The following BRCA1 variants were observed in gnomAD, a reference collection of about 807,000 sequenced individuals.
The protein encoded by BRCA1 is BRCA1 DNA repair associated.
In BRCA1, 140 loss-of-function variants were observed where a neutral mutation model predicts 173.7. The ratio of observed to expected loss-of-function variants is 0.81; its 90% CI spans 0.70 to 0.93. The LOEUF is 0.93. Ranked by LOEUF, BRCA1 falls within the 40% of genes least tolerant of loss-of-function variation. BRCA1 has a pLI of 0.00. For missense variants in BRCA1, 1,983 were observed against 2,172.5 expected (o/e 0.91, Z 1.73); for synonymous variants, 662 against 756.0 (o/e 0.88, Z 2.04).
At chr17:43,167,267 T>C (rs906527215) in intron 1 of BRCA1, 12 of 152,128 alleles carry the variant, frequency 7.9e-5, no homozygotes, top group African/African-American at 2.2e-4. Context: ...ACAAAACTTA[T>C]CAGACACCGA....
upstream of BRCA1, chr17:43,125,879 CTT>C: frequency 6.5e-6 from 1 of 153,974 alleles, no homozygotes; most frequent in East Asian, 1.9e-4. Flanking sequence ...AAACTGTAGT[CTT>C]ATGGAGAGGA....
rs80356918 is a variant in BRCA1, at chr17:43,092,043, G to A, written c.3488C>T (p.Thr1163Ile). The part of the protein sequence containing the change: ...LLDDGEIKED[T>I]SFAENDIKES... ...CTTAATGTCATTTTCAGCAAAACTA[G>A]TATCTTCCTTTATTTCACCATCATC... The change falls in exon 10 of 23, where the codon ACT becomes ATT. Residue 1163 changes from threonine to isoleucine, a missense_variant. By Grantham distance (89) the Thr-to-Ile change is moderately conservative. Transcript: ENST00000357654. 1 of 1,614,014 alleles carries A rather than the reference G, an allele frequency of 6.2e-7. No individual in the cohort carries two copies. The highest frequency in any genetic ancestry group is 2.2e-5 in the East Asian group (1 of 44,888).
Position 43,089,486 on chromosome 17 carries a change from T to C in BRCA1, c.4185+1458A>G, listed in dbSNP as rs8176160. On this transcript the variant is annotated intron_variant, in intron 11 of 22. Transcript: ENST00000357654. ...ATATATATGGTAAAGCTTTTATTTATTTCATAGGTGACCAAATTATTGGCC... is the reference window on the plus strand; with the variant it reads ...ATATATATGGTAAAGCTTTTATTTACTTCATAGGTGACCAAATTATTGGCC... Among the ~76,000 whole-genome samples, 47,915 of 151,720 alleles carry C rather than the reference T, an allele frequency of 0.32. 7,903 individuals carry two copies. The highest frequency in any genetic ancestry group is 0.49 in the South Asian group (2,367 of 4,808).
At chr17:43,136,639 C>T (rs995375794) in intron 1 of BRCA1, among the ~76,000 whole-genome samples, 1 of 152,216 alleles carries the variant, frequency 6.6e-6, no homozygotes, top group African/African-American at 2.4e-5. Flanking sequence ...TGAGCAGACA[C>T]TTCTCAAAAG....
intron 12 of BRCA1, among the ~76,000 whole-genome samples, chr17:43,077,545 G>T (rs2052793116): frequency 6.6e-6 from 1 of 151,922 alleles, no homozygotes; most frequent in Non-Finnish European, 1.5e-5. Context: ...TGTTGATCAG[G>T]CTAGTCTCGA....
intron 19 of BRCA1, 81 bp from the exon 20 acceptor site, chr17:43,051,198 C>T: frequency 1.5e-6 from 2 of 1,323,824 alleles, no homozygotes; most frequent in Non-Finnish European, 2.2e-6. Context: ...GGCTTTTATT[C>T]AAAAAACAGA....
intron 8 of BRCA1, among the ~76,000 whole-genome samples, chr17:43,096,696 G>A (rs1239305072): frequency 6.6e-6 from 1 of 151,960 alleles, no homozygotes; most frequent in Non-Finnish European, 1.5e-5. Context: ...GTGGAAATAA[G>A]GAACAGAGGA....
chr17:43,160,376 G>C (rs796874132), intron 1 of BRCA1: 30 of 152,180 alleles, frequency 2.0e-4, no homozygotes, highest in African/African-American at 7.2e-4. Context: ...AGCAATTCCT[G>C]TCCCTTTTAA....
intron 2 of BRCA1, among the ~76,000 whole-genome samples, chr17:43,120,415 T>A (rs2055491958): frequency 6.6e-6 from 1 of 152,134 alleles, no homozygotes; most frequent in Non-Finnish European, 1.5e-5. Flanking sequence ...TAAAAGGAAG[T>A]GAAATATGAT....
chr17:43,074,439 G>C lies in BRCA1; in HGVS notation c.4567C>G (p.Pro1523Ala), dbSNP rs1390166929. Residue 1523 changes from proline to alanine, a missense_variant, in exon 14 of 23, where the codon CCA (proline) becomes GCA (alanine). Physicochemically the swap from Pro to Ala is conservative, Grantham distance 27. Coordinates refer to ENST00000357654, the MANE Select transcript of BRCA1 (RefSeq NM_007294.4). Reference sequence around the variant, plus strand: ...ACCTTAATGAGCTCCTCTTGAGATGGGTAGTTTCTATTCTGAAGACTCCCA... The same window carrying C: ...ACCTTAATGAGCTCCTCTTGAGATGCGTAGTTTCTATTCTGAAGACTCCCA... ...CSGSLQNRNY[P>A]SQEELIKVVD... 1 of 1,614,098 alleles carries C rather than the reference G, an allele frequency of 6.2e-7. No individual in the cohort carries two copies. The highest frequency in any genetic ancestry group is 8.5e-7 in the Non-Finnish European group (1 of 1,179,972).
chr17:43,051,914 C>G (rs749134086), intron 19 of BRCA1, among the ~76,000 whole-genome samples: 10 of 152,200 alleles, frequency 6.6e-5, no homozygotes, highest in Non-Finnish European at 1.2e-4. Flanking sequence ...GGATTACAGG[C>G]ATAAGCCACT....
At chr17:43,100,630 T>A (rs2054380096) in intron 6 of BRCA1, among the ~76,000 whole-genome samples, 1 of 57,812 alleles carries the variant, frequency 1.7e-5, no homozygotes, top group Non-Finnish European at 3.0e-5. Context: ...CATATATATA[T>A]GTTATATATA....
rs375042815 is a variant in BRCA1, at chr17:43,045,658, G to A, written c.*20C>T. ...CTCATTCTTGGGGTCCTGTGGCTCT[G>A]TACCTGTGGCTGGCTGCAGTCAGTA... On this transcript the variant is annotated 3_prime_UTR_variant, in exon 23 of 23. Coordinates refer to ENST00000357654, the MANE Select transcript of BRCA1 (RefSeq NM_007294.4). The A allele has an allele frequency of 7.4e-6, 12 of 1,613,740 alleles. No homozygotes were observed. The highest frequency in any genetic ancestry group is 2.7e-5 in the African/African-American group (2 of 75,048).
In BRCA1 at chr17:43,063,354, T is replaced by G. The variant is rs879254150; in HGVS notation, c.5172A>C (p.Lys1724Asn). The G allele has an allele frequency of 6.2e-7, 1 of 1,611,350 alleles. No individual in the cohort carries two copies. The highest frequency in any genetic ancestry group is 1.7e-5 in the Admixed American group (1 of 60,016). The stretch of plus-strand genomic sequence containing the variant: ...TTACCTCATTCAGCATTTTTCTTTC[T>G]TTAATAGACTGGGTCACCCCTAAAG... ...VSYFWVTQSIKERKMLNEHDF... is the reference protein window; with the variant it reads ...VSYFWVTQSINERKMLNEHDF... Residue 1724 changes from lysine to asparagine, a missense_variant, in exon 18 of 23, where the codon AAA (lysine) becomes AAC (asparagine). Coordinates refer to ENST00000357654, the MANE Select transcript of BRCA1 (RefSeq NM_007294.4).
chr17:43,166,149 T>A (rs2056266361), intron 1 of BRCA1: 1 of 151,124 alleles, frequency 6.6e-6, no homozygotes, highest in Non-Finnish European at 1.5e-5. Context: ...TGTGTGTGTG[T>A]GTGTGTCTCT....
At chr17:43,114,054 AAT>A (rs1483081443) in intron 3 of BRCA1, among the ~76,000 whole-genome samples, 1 of 150,454 alleles carries the variant, frequency 6.6e-6, no homozygotes, top group African/African-American at 2.5e-5. Context: ...CAGCCTGGGC[AAT>A]AGAGTGAAAC....
chr17:43,097,319 A>T (rs2054183894), intron 7 of BRCA1, 30 bp from the exon 8 acceptor site: 1 of 1,575,054 alleles, frequency 6.3e-7, no homozygotes, highest in Non-Finnish European at 8.7e-7. Context: ...AAAATAAATC[A>T]ATAAAAGTTT....
intron 6 of BRCA1, 102 bp from the exon 7 acceptor site, chr17:43,099,982 A>C (rs943655166): frequency 1.1e-6 from 1 of 915,804 alleles, no homozygotes; most frequent in Non-Finnish European, 1.8e-6. Context: ...ATTGACCATC[A>C]TCAGTCAGCT....
Position 43,114,846 on chromosome 17 carries a change from C to T in BRCA1, c.134+880G>A, listed in dbSNP as rs144477667. ...TTAACATAAAGAAAAGGAGAAAGCC[C>T]ACTTGTTCTACTAAATTACCTACTC... On this transcript the variant is annotated intron_variant, in intron 3 of 22. Coordinates refer to ENST00000357654, the MANE Select transcript of BRCA1 (RefSeq NM_007294.4). 8.5e-5 allele frequency among the ~76,000 whole-genome samples: 13 copies of T among 152,212 alleles called. No homozygotes were observed. The East Asian group carries it at 9.6e-4, about 11-fold the overall frequency.
Sources: gnomAD v4.1 joint callset for allele counts (sites outside exome capture counted in the v4.1 genomes callset) on GRCh38, gnomAD v4.1.1 for gene constraint, MANE v1.5 for transcripts, NCBI Gene and HGNC (gene_info 2026-07-23, HGNC 2026-07-21) for gene names.